AFG2A: variants seen among roughly 807,000 people sequenced by gnomAD.
AFG2A encodes the protein AAA ATPase AFG2A, also known as ATPase family gene 2 protein homolog A.
chr4:123,240,121 G>C, the AFG2A span, among the ~76,000 whole-genome samples: 1 of 152,168 alleles, frequency 6.6e-6, no homozygotes, highest in Non-Finnish European at 1.5e-5. Context: ...TCAACAAGAA[G>C]AGCTAACTAT....
At chr4:123,062,524 C>T in the AFG2A span, among the ~76,000 whole-genome samples, 1 of 151,716 alleles carries the variant, frequency 6.6e-6, no homozygotes, top group African/African-American at 2.4e-5. Context: ...TTAATCATAC[C>T]TATCAATTAT....
At chr4:123,074,678 T>G in the AFG2A span, among the ~76,000 whole-genome samples, 4 of 152,158 alleles carry the variant, frequency 2.6e-5, no homozygotes, top group African/African-American at 9.7e-5. Context: ...TTCATGTGGA[T>G]TTTTGTTTTT....
At chr4:122,943,679 T>G in the AFG2A span, among the ~76,000 whole-genome samples, 3 of 152,192 alleles carry the variant, frequency 2.0e-5, no homozygotes, top group Non-Finnish European at 4.4e-5. Context: ...CCTGTCATTA[T>G]GATGTTAGCT....
At chr4:122,952,153 G>C in the AFG2A span, among the ~76,000 whole-genome samples, 1 of 152,162 alleles carries the variant, frequency 6.6e-6, no homozygotes, top group Non-Finnish European at 1.5e-5. Flanking sequence ...ATAGCACAGA[G>C]TTGTTGTTCC....
chr4:123,132,172 A>G, the AFG2A span, among the ~76,000 whole-genome samples: 2 of 152,182 alleles, frequency 1.3e-5, no homozygotes, highest in African/African-American at 4.8e-5. Flanking sequence ...TGATGTTTAT[A>G]TACACAGACA....
At chr4:123,165,234 A>T in the AFG2A span, among the ~76,000 whole-genome samples, 2 of 152,162 alleles carry the variant, frequency 1.3e-5, no homozygotes, top group African/African-American at 4.8e-5. Context: ...TGCCTTGGGG[A>T]TTAAGTATAA....
the AFG2A span, among the ~76,000 whole-genome samples, chr4:123,063,663 G>C: frequency 8.6e-5 from 13 of 152,042 alleles, no homozygotes; most frequent in South Asian, 2.3e-3. Context: ...GGAGAATGGC[G>C]TGAACTCAGG....
At chr4:122,955,619 T>C in the AFG2A span, among the ~76,000 whole-genome samples, 1 of 152,190 alleles carries the variant, frequency 6.6e-6, no homozygotes. Context: ...GGAAAGAGGC[T>C]CAAGAAGGAA....
At chr4:123,033,445 G>GT in the AFG2A span, among the ~76,000 whole-genome samples, 1 of 152,132 alleles carries the variant, frequency 6.6e-6, no homozygotes, top group African/African-American at 2.4e-5. Context: ...TGTAGGGTAG[G>GT]TTTAGAGAAG....
At chr4:122,996,764 A>G in the AFG2A span, among the ~76,000 whole-genome samples, 1 of 152,122 alleles carries the variant, frequency 6.6e-6, no homozygotes, top group African/African-American at 2.4e-5. Flanking sequence ...TCTCATAATC[A>G]AGGAAGCCAG....
At chr4:123,232,207 G>C in the AFG2A span, among the ~76,000 whole-genome samples, 6 of 151,950 alleles carry the variant, frequency 3.9e-5, no homozygotes, top group African/African-American at 1.5e-4. Context: ...TGTATTTATA[G>C]ATGATATCTA....
At chr4:123,228,548 A>G in the AFG2A span, among the ~76,000 whole-genome samples, 16 of 152,054 alleles carry the variant, frequency 1.1e-4, no homozygotes, top group Non-Finnish European at 2.2e-4. Context: ...TCTCAGTCAG[A>G]TTATTCGGAA....
chr4:123,165,134 T>A, the AFG2A span, among the ~76,000 whole-genome samples: 2 of 152,022 alleles, frequency 1.3e-5, no homozygotes, highest in African/African-American at 4.8e-5. Flanking sequence ...ACTGAAAATA[T>A]TATTATTCCC....
chr4:123,215,741 C>G, the AFG2A span, among the ~76,000 whole-genome samples: 1 of 152,142 alleles, frequency 6.6e-6, no homozygotes, highest in African/African-American at 2.4e-5. Context: ...TATTTCCTCT[C>G]AGCCTCTAGG....
the AFG2A span, among the ~76,000 whole-genome samples, chr4:123,175,637 C>T: frequency 1.3e-5 from 2 of 152,162 alleles, no homozygotes; most frequent in Admixed American, 6.5e-5. Context: ...AGTGCCATTT[C>T]GTGTACATAT....
chr4:123,122,072 G>T, the AFG2A span, among the ~76,000 whole-genome samples: 1 of 151,918 alleles, frequency 6.6e-6, no homozygotes, highest in African/African-American at 2.4e-5. Flanking sequence ...TTGTTGTTTT[G>T]CTGCCTCACC....
chr4:123,008,980 T>C, the AFG2A span, among the ~76,000 whole-genome samples: 5 of 152,250 alleles, frequency 3.3e-5, no homozygotes, highest in Non-Finnish European at 7.3e-5. Flanking sequence ...TCTGTCTTCA[T>C]TGGGGTCCCC....
the AFG2A span, among the ~76,000 whole-genome samples, chr4:123,249,065 C>A: frequency 1.3e-5 from 2 of 152,188 alleles, no homozygotes; most frequent in Non-Finnish European, 2.9e-5. Context: ...TAGAATTTTC[C>A]TCCAGCTAAG....
the AFG2A span, among the ~76,000 whole-genome samples, chr4:123,103,288 TGAG>T: frequency 1.3e-5 from 2 of 152,044 alleles, no homozygotes; most frequent in African/African-American, 4.8e-5. Flanking sequence ...TTGTGTGAGT[TGAG>T]GACTGGGGAG....
Sources: gnomAD v4.1 joint callset for allele counts (sites outside exome capture counted in the v4.1 genomes callset) on GRCh38, gnomAD v4.1.1 for gene constraint, MANE v1.5 for transcripts, NCBI Gene and HGNC (gene_info 2026-07-23, HGNC 2026-07-21) for gene names.